The following NFKBIA variants were observed in gnomAD, a reference collection of about 807,000 sequenced individuals.
NFKBIA encodes the protein NF-kappa-B inhibitor alpha.
A neutral mutation model predicts 36.3 loss-of-function variants in NFKBIA; 10 were observed. That is an observed-to-expected ratio of 0.28 (90% confidence interval 0.17 to 0.47). The LOEUF (loss-of-function observed/expected upper bound fraction) is 0.47, where lower values mean the gene tolerates loss of function less well. Ranked by LOEUF, NFKBIA falls within the 20% of genes least tolerant of loss-of-function variation. The pLI is 0.99. For synonymous variants in NFKBIA, 205 were observed against 164.4 expected, an observed-to-expected ratio of 1.25 and a Z score of -1.89; for missense variants, 355 against 399.3, an observed-to-expected ratio of 0.89 and a Z score of 0.94.
At chr14:35,403,023 AT>A in intron 3 of NFKBIA, 126 bp downstream of exon 3, 1 of 1,304,596 alleles carries the variant, frequency 7.7e-7, no homozygotes, top group Non-Finnish European at 1.1e-6. Flanking sequence ...TTGCACACAT[AT>A]TTTCTCAACC....
In NFKBIA at chr14:35,402,852, C is replaced by T. The variant is rs1485922475; in HGVS notation, c.555G>A (p.Thr185=). Residue 185 remains threonine (T), a synonymous_variant, in exon 4 of 6, where the codon ACG becomes ACA. Coordinates refer to ENST00000216797, the MANE Select transcript of NFKBIA (RefSeq NM_020529.3). ...CATGGATAGAGGCTAAGTGTAGACA[C>T]GTGTGGCCTGGAAGAACAAAAGGAA... ...ILKATNYNGH[T]CLHLASIHGY... is the part of the protein sequence containing the mutation. The T allele has an allele frequency of 5.0e-6, 8 of 1,613,634 alleles. No individual in the cohort carries two copies. Among genetic ancestry groups the T allele is most frequent in the Admixed American group, 3.3e-5 (2 of 59,972 alleles).
At chr14:35,403,982 C>T in intron 1 of NFKBIA, 184 bp from the exon 2 acceptor site, 1 of 614,924 alleles carries the variant, frequency 1.6e-6, no homozygotes, top group Non-Finnish European at 2.9e-6. Context: ...CGCCCCCCTC[C>T]CCCCGCGGCC....
In NFKBIA at chr14:35,404,438, C is replaced by T. The variant is rs2052766791; in HGVS notation, c.207G>A (p.Gln69=). The T allele has an allele frequency of 1.9e-6, 3 of 1,576,110 alleles. No homozygotes were observed. The highest frequency in any genetic ancestry group is 4.8e-5 in the East Asian group (2 of 41,558). The change falls in exon 1 of 6, where the codon CAG becomes CAA. Residue 69 remains glutamine (Q), a synonymous_variant. Transcript: ENST00000216797. ...CTTACGAGTCCCCGTCCTCGGTGAGCTGCTGCTTCCAGGGCTCCGAGCCGC... is the reference window on the plus strand; with the variant it reads ...CTTACGAGTCCCCGTCCTCGGTGAGTTGCTGCTTCCAGGGCTCCGAGCCGC... ...VPRGSEPWKQ[Q]LTEDGDSFLH...
At chr14:35,402,286 G>A in intron 5 of NFKBIA, 108 bp downstream of exon 5, 2 of 1,375,604 alleles carry the variant, frequency 1.5e-6, no homozygotes, top group Non-Finnish European at 2.1e-6. Flanking sequence ...AAATTTGAGA[G>A]ACTCATTATG....
chr14:35,401,924 A>T lies in NFKBIA; in HGVS notation c.*89T>A. Reference sequence around the variant, plus strand: ...AGTGTGGATATAAGTACACCCTTTAAATTTTTTCTTCTTTTTTCTTTTTTT... The same window carrying T: ...AGTGTGGATATAAGTACACCCTTTATATTTTTTCTTCTTTTTTCTTTTTTT... On this transcript the variant is annotated 3_prime_UTR_variant, in exon 6 of 6. Transcript: ENST00000216797. The T allele has an allele frequency of 6.7e-7, 1 of 1,495,024 alleles. No individual in the cohort carries two copies. 92.6% of individuals were successfully genotyped at this position (1,495,024 alleles called of 1,614,324 possible).
chr14:35,403,074 T>G (rs1428467515), intron 3 of NFKBIA, 76 bp downstream of exon 3: 8 of 1,528,886 alleles, frequency 5.2e-6, no homozygotes, highest in African/African-American at 2.7e-5. Flanking sequence ...CTGGACTCCT[T>G]AAGTTGGCCC....
Position 35,404,473 on chromosome 14 carries a change from C to A in NFKBIA, c.172G>T (p.Glu58Ter). 6.2e-7 allele frequency: 1 copy of A among 1,601,300 alleles called. No individual in the cohort carries two copies. Among genetic ancestry groups the A allele is most frequent in the Non-Finnish European group, 8.5e-7 (1 of 1,174,546 alleles). The change falls in exon 1 of 6, where the codon GAG becomes TAG. Residue 58 changes from glutamate (E) to a stop codon, truncating the protein, a stop_gained. Transcript: ENST00000216797. LOFTEE classifies it high-confidence loss of function. ...CAGGGCTCCGAGCCGCGCGGCACCTCCTGCGGCTCGAGGCGGATCTCCTGC... is the reference window on the plus strand; with the variant it reads ...CAGGGCTCCGAGCCGCGCGGCACCTACTGCGGCTCGAGGCGGATCTCCTGC... ...ELQEIRLEPQ[E>*]VPRGSEPWKQ...
intron 1 of NFKBIA, chr14:35,404,077 A>G: frequency 2.3e-6 from 1 of 442,634 alleles, no homozygotes. Context: ...GGCGCCCGCC[A>G]GCGGCCAGAA....
At position 35,404,519 on chromosome 14, in the gene NFKBIA, G is replaced by A. The variant is rs759815989; in HGVS notation, c.126C>T (p.Tyr42=). 6.2e-7 allele frequency: 1 copy of A among 1,604,174 alleles called. No homozygotes were observed. Among genetic ancestry groups the A allele is most frequent in the Non-Finnish European group, 8.5e-7 (1 of 1,175,902 alleles). Residue 42 remains tyrosine (Y), a synonymous_variant, in exon 1 of 6, where the codon TAC becomes TAT. Coordinates refer to ENST00000216797, the MANE Select transcript of NFKBIA (RefSeq NM_020529.3). ...SGLDSMKDEE[Y]EQMVKELQEI... is the part of the protein sequence containing the mutation. ...CCTGCAGCTCCTTGACCATCTGCTC[G>A]TACTCCTCGTCTTTCATGGAGTCCA...
chr14:35,404,016 C>T (rs963028590), intron 1 of NFKBIA: 162 of 576,766 alleles, frequency 2.8e-4, no homozygotes, highest in Middle Eastern at 9.5e-4. Context: ...GCCAGACCGC[C>T]CCGCCCTCCC....
intron 2 of NFKBIA, 106 bp from the exon 3 acceptor site, chr14:35,403,466 G>A (rs1012441841): frequency 2.3e-6 from 3 of 1,289,522 alleles, no homozygotes; most frequent in Non-Finnish European, 2.2e-6. Context: ...TCCTAGACAG[G>A]GGGGTGGGGA....
intron 3 of NFKBIA, 115 bp from the exon 4 acceptor site, chr14:35,402,974 G>T: frequency 7.8e-7 from 1 of 1,275,614 alleles, no homozygotes; most frequent in Non-Finnish European, 1.1e-6. Flanking sequence ...CCACAGTCTG[G>T]GTTCTGAAAG....
At position 35,402,595 on chromosome 14, in the gene NFKBIA, G is replaced by T. The variant is rs760478586; in HGVS notation, c.705C>A (p.Leu235=). Residue 235 remains leucine (L), a synonymous_variant, in exon 5 of 6, where the codon CTC becomes CTA. Coordinates refer to ENST00000216797, the MANE Select transcript of NFKBIA (RefSeq NM_020529.3). ...VDLQNPDLVS[L]LLKCGADVNR... ...TGACATCAGCCCCACACTTCAACAG[G>T]AGTGACACCAGGTCAGGATTTTGCA... 1 of 1,614,144 alleles carries T rather than the reference G, an allele frequency of 6.2e-7. No homozygotes were observed. The highest frequency in any genetic ancestry group is 1.3e-5 in the African/African-American group (1 of 74,944).
intron 1 of NFKBIA, 125 bp from the exon 2 acceptor site, chr14:35,403,923 G>A (rs374729177): frequency 6.2e-5 from 46 of 738,894 alleles, no homozygotes; most frequent in African/African-American, 2.8e-4. Context: ...GGTGTTTTCC[G>A]CGAGGTTATT....
Position 35,402,446 on chromosome 14 carries a change from T to A in NFKBIA, c.854A>T (p.Asp285Val). ...ENLQMLPESE[D>V]EESYDTESEF... Reference sequence around the variant, plus strand: ...TGACTCTGTGTCATAGCTCTCCTCATCCTCACTCTCTGGCAGCATCTGAAG... The same window carrying A: ...TGACTCTGTGTCATAGCTCTCCTCAACCTCACTCTCTGGCAGCATCTGAAG... The change falls in exon 5 of 6, where the codon GAT (aspartate) becomes GTT (valine). Residue 285 changes from aspartate to valine, a missense_variant. Transcript: ENST00000216797. 6.2e-7 allele frequency: 1 copy of A among 1,614,158 alleles called. No homozygotes were observed. The highest frequency in any genetic ancestry group is 8.5e-7 in the Non-Finnish European group (1 of 1,180,018).
rs2138830817 is a variant in NFKBIA at position 35,402,632 on chromosome 14, A to G, written c.668T>C (p.Leu223Pro). The change falls in exon 5 of 6, where the codon CTC (leucine) becomes CCC (proline). Residue 223 changes from leucine (L) to proline (P), a missense_variant. By Grantham distance (98) the Leu-to-Pro change is moderately conservative. Coordinates refer to ENST00000216797, the MANE Select transcript of NFKBIA (RefSeq NM_020529.3). ...GTCAGGATTTTGCAGGTCCACTGCG[A>G]GGTGAAGGGCAGTCCGGCCATTACA... Reference protein sequence around the residue: ...EPCNGRTALHLAVDLQNPDLV... With the variant: ...EPCNGRTALHPAVDLQNPDLV... The G allele has an allele frequency of 6.2e-7, 1 of 1,614,254 alleles. No individual in the cohort carries two copies. The highest frequency in any genetic ancestry group is 8.5e-7 in the Non-Finnish European group (1 of 1,180,054).
chr14:35,403,527 T>C (rs1233443091), intron 2 of NFKBIA, 163 bp downstream of exon 2: 2 of 885,418 alleles, frequency 2.3e-6, no homozygotes, highest in Non-Finnish European at 3.7e-6. Flanking sequence ...CCTCACCAAA[T>C]CAGTGGAATT....
chr14:35,404,409 G>T lies in NFKBIA; in HGVS notation c.227+9C>A. The T allele has an allele frequency of 3.0e-6, 3 of 987,128 alleles. No homozygotes were observed. Among genetic ancestry groups the T allele is most frequent in the Non-Finnish European group, 2.8e-6 (2 of 704,776 alleles). The allele number at this position is 987,128 out of a possible 1,614,324, so 61.1% of individuals were successfully genotyped here. A position where few individuals can be genotyped will look rare whatever the true frequency, so the allele number is the denominator to read the frequency against. ...CGACGACCCCCAGCCCCGGGCCTCC[G>T]CCACTTACGAGTCCCCGTCCTCGGT... On this transcript the variant is annotated intron_variant, in intron 1 of 5. Coordinates refer to ENST00000216797, the MANE Select transcript of NFKBIA (RefSeq NM_020529.3).
At chr14:35,403,093 C>T (rs1228541260) in intron 3 of NFKBIA, 57 bp downstream of exon 3, 5 of 1,581,682 alleles carry the variant, frequency 3.2e-6, no homozygotes, top group South Asian at 1.1e-5. Flanking sequence ...CCACCTGCCC[C>T]TTCTCCACGT....
Sources: allele counts gnomAD v4.1 joint callset, GRCh38; gene constraint gnomAD v4.1.1; transcripts MANE v1.5; gene names NCBI Gene and HGNC (gene_info 2026-07-23, HGNC 2026-07-21).